The following NRXN2 variants were observed in gnomAD, a reference collection of about 807,000 sequenced individuals.
NRXN2 encodes neurexin 2.
A neutral mutation model predicts 128.8 loss-of-function variants in NRXN2; 29 were observed. That is an observed-to-expected ratio of 0.23 (90% CI 0.17 to 0.31). The LOEUF is 0.31. Ranked by LOEUF, NRXN2 falls within the 10% of genes least tolerant of loss-of-function variation. The probability of loss-of-function intolerance (pLI) is 1.00; values close to 1 mark genes in which losing one functional copy is unlikely to be tolerated. For synonymous variants in NRXN2, 1,098 were observed against 1,075.2 expected (o/e 1.02, Z -0.41); for missense variants, 1,881 against 2,452.6 (o/e 0.77, Z 4.92).
intron 17 of NRXN2, chr11:64,643,093 G>C: frequency 1.0e-6 from 1 of 987,780 alleles, no homozygotes; most frequent in Non-Finnish European, 1.2e-6. Flanking sequence ...GCAGAGGGCC[G>C]TCAGAAACCC....
Position 64,630,643 on chromosome 11 carries a change from G to A in NRXN2, c.3586-70C>T. ...TTCATCCCTTCTAGTGGCTACTCCT[G>A]TGACCACCACTAGCCCAGCTCCGCA... is the stretch of plus-strand genomic sequence containing the variant. On this transcript the variant is annotated intron_variant, in intron 18 of 22. Coordinates refer to ENST00000265459, the MANE Select transcript of NRXN2 (RefSeq NM_015080.4). This position sits in a 1 kb window ranked among gnomAD's most constrained non-coding sequence, Gnocchi z 4.6. The A allele has an allele frequency of 6.4e-7, 1 of 1,568,758 alleles. No homozygotes were observed. The highest frequency in any genetic ancestry group is 8.7e-7 in the Non-Finnish European group (1 of 1,144,524).
At chr11:64,658,862 T>C (rs893270413) in intron 11 of NRXN2, among the ~76,000 whole-genome samples, 27 of 152,060 alleles carry the variant, frequency 1.8e-4, no homozygotes, top group Non-Finnish European at 3.4e-4. Context: ...CCATCTCTAC[T>C]AAAAATACAA....
intron 7 of NRXN2, 66 bp downstream of exon 7, chr11:64,676,927 G>T (rs1268136406): frequency 3.8e-6 from 5 of 1,321,942 alleles, no homozygotes; most frequent in Non-Finnish European, 5.4e-6. Flanking sequence ...AACAAAAGAG[G>T]GAGAATCGAA....
Position 64,631,247 on chromosome 11 carries a change from C to T in NRXN2, c.3586-674G>A, listed in dbSNP as rs1448652211. 8.1e-6 allele frequency among the ~76,000 whole-genome samples: 1 copy of T among 123,164 alleles called. No homozygotes were observed. The allele number at this position is 123,164 out of a possible 152,430, so 80.8% of individuals were successfully genotyped here. ...GATGGACACCAGAAGAGCTGAGGGT[C>T]AAACTATGCTAGACTGACCAAGAAA... On this transcript the variant is annotated intron_variant, in intron 18 of 22. Coordinates refer to ENST00000265459, the MANE Select transcript of NRXN2 (RefSeq NM_015080.4). This position sits in a 1 kb window ranked among gnomAD's most constrained non-coding sequence, Gnocchi z 4.8.
chr11:64,706,915 C>T (rs1010732671), intron 2 of NRXN2, among the ~76,000 whole-genome samples: 2 of 151,634 alleles, frequency 1.3e-5, no homozygotes, highest in Admixed American at 1.3e-4. Flanking sequence ...TAATTTAATT[C>T]TTACAACAAA....
chr11:64,615,239 T>C (rs995937401), intron 22 of NRXN2, among the ~76,000 whole-genome samples: 8 of 152,242 alleles, frequency 5.3e-5, no homozygotes, highest in South Asian at 2.1e-4. Flanking sequence ...CTGTTGAAGA[T>C]GGTGCAGCCA....
At chr11:64,663,917 T>C (rs1052780933) in intron 9 of NRXN2, among the ~76,000 whole-genome samples, 1 of 152,222 alleles carries the variant, frequency 6.6e-6, no homozygotes, top group Admixed American at 6.5e-5. Context: ...GAAGACATTA[T>C]GCAAAATGAA....
chr11:64,692,893 A>G lies in NRXN2; in HGVS notation c.749-17T>C, dbSNP rs1565426771. The G allele has an allele frequency of 6.3e-7, 1 of 1,599,442 alleles. No homozygotes were observed. Among genetic ancestry groups the G allele is most frequent in the Non-Finnish European group, 8.6e-7 (1 of 1,167,416 alleles). ...GAGCCGGACCTTGGAAAGGGGAAGG[A>G]GAGAAAGAAAGAAAGAAAAAAAGAA... is the stretch of plus-strand genomic sequence containing the variant. On this transcript the variant is annotated splice_polypyrimidine_tract_variant and intron_variant, in intron 3 of 22. Transcript: ENST00000265459.
At chr11:64,679,547 G>A (rs990912169) in intron 6 of NRXN2, among the ~76,000 whole-genome samples, 17 of 152,200 alleles carry the variant, frequency 1.1e-4, no homozygotes, top group African/African-American at 4.1e-4. Flanking sequence ...TGAGGCAGGA[G>A]AATGGCGTGA....
At chr11:64,683,577 G>A (rs956743839) in intron 6 of NRXN2, among the ~76,000 whole-genome samples, 13 of 149,192 alleles carry the variant, frequency 8.7e-5, no homozygotes, top group South Asian at 4.2e-4. Flanking sequence ...CCGAGATCAC[G>A]CCGCTGCACT....
chr11:64,621,812 G>A (rs1321830307), intron 21 of NRXN2, among the ~76,000 whole-genome samples: 2 of 152,200 alleles, frequency 1.3e-5, no homozygotes, highest in East Asian at 1.9e-4. Flanking sequence ...AAGCACAGGA[G>A]GCAACAACTA....
rs370812331 is a variant in NRXN2 at position 64,622,873 on chromosome 11, C to A, written c.4053G>T (p.Glu1351Asp). Residue 1351 changes from glutamate (E) to aspartate (D), a missense_variant, in exon 21 of 23, where the codon GAG becomes GAT. This residue lies in a region of NRXN2 where 108 missense variants were observed against 165.2 expected (regional missense o/e 0.65). Transcript: ENST00000265459. The surrounding 1 kb of genome is among the most constrained non-coding windows in gnomAD (Gnocchi z 4.3). The stretch of plus-strand genomic sequence containing the variant: ...CAGCCAGCAGGGTGGTGGCCGTGGT[C>A]TCCGCACTGAGCAGCACGGACGGCC... ...GEGPSVLLSAETTATTLLADM... is the reference protein window; with the variant it reads ...GEGPSVLLSADTTATTLLADM... 76 of 1,612,804 alleles carry A rather than the reference C, an allele frequency of 4.7e-5. No homozygotes were observed. Among genetic ancestry groups the A allele is most frequent in the Non-Finnish European group, 5.7e-5 (67 of 1,179,888 alleles).
In NRXN2 at chr11:64,652,017, TG is replaced by T; in HGVS notation, c.2536+17del. On this transcript the variant is annotated intron_variant, in intron 13 of 22. Coordinates refer to ENST00000265459, the MANE Select transcript of NRXN2 (RefSeq NM_015080.4). ...GTCACTGGAGATGTGTCCACCTCCC[TG>T]GGCCCAGACCACCTACCCTCCACAG... The T allele has an allele frequency of 6.2e-7, 1 of 1,609,492 alleles. No individual in the cohort carries two copies.
intron 7 of NRXN2, chr11:64,676,731 T>G: frequency 1.8e-6 from 1 of 546,686 alleles, no homozygotes; most frequent in Non-Finnish European, 3.3e-6. Context: ...AATTCAGGAG[T>G]TAGGGATTAC....
Position 64,651,474 on chromosome 11 carries a change from T to C in NRXN2, c.2699A>G (p.Asp900Gly), listed in dbSNP as rs1347315693. ...AGCATTGAGCTCACAGTAGGTGATG[T>C]CACCATCCTTGCACTGGTCCATGTA... ...QPYMDQCKDG[D>G]ITYCELNARF... Residue 900 changes from aspartate to glycine, a missense_variant, in exon 14 of 23, where the codon GAC becomes GGC. Asp to Gly is a moderately conservative substitution (Grantham distance 94, BLOSUM62 -1). This residue lies in a region of NRXN2 where 390 missense variants were observed against 599.6 expected (regional missense o/e 0.65). Transcript: ENST00000265459. The surrounding 1 kb of genome is among the most constrained non-coding windows in gnomAD (Gnocchi z 5.9). 2 of 1,614,130 alleles carry C rather than the reference T, an allele frequency of 1.2e-6. No individual in the cohort carries two copies. Among genetic ancestry groups the C allele is most frequent in the East Asian group, 2.2e-5 (1 of 44,888 alleles).
At chr11:64,708,183 G>A (rs1411260995) in intron 2 of NRXN2, among the ~76,000 whole-genome samples, 1 of 151,744 alleles carries the variant, frequency 6.6e-6, no homozygotes, top group East Asian at 1.9e-4. Flanking sequence ...ACACAGCCTA[G>A]CACAAAAGAG....
At chr11:64,647,875 A>G (rs1478550145) in intron 17 of NRXN2, among the ~76,000 whole-genome samples, 1 of 152,212 alleles carries the variant, frequency 6.6e-6, no homozygotes, top group Non-Finnish European at 1.5e-5. Flanking sequence ...GGCCATCACC[A>G]AAACTACACA....
At chr11:64,639,074 C>A (rs1444722409) in intron 17 of NRXN2, among the ~76,000 whole-genome samples, 1 of 152,206 alleles carries the variant, frequency 6.6e-6, no homozygotes, top group East Asian at 1.9e-4. Context: ...CCTCTGCCTG[C>A]CTGTGTGCCT....
chr11:64,606,614 C>T lies in NRXN2; in HGVS notation c.*582G>A, dbSNP rs1415087727. 1.4e-5 allele frequency: 2 copies of T among 147,732 alleles called. No homozygotes were observed. The highest frequency in any genetic ancestry group is 1.3e-4 in the Admixed American group (2 of 14,912). The allele number at this position is 147,732 out of a possible 1,614,324, so 9.2% of individuals were successfully genotyped here. On this transcript the variant is annotated 3_prime_UTR_variant, in exon 23 of 23. Coordinates refer to ENST00000265459, the MANE Select transcript of NRXN2 (RefSeq NM_015080.4). ...ACTTGCCCCACCCCACCCCACCCAC[C>T]CACTGGGCCACTCGGGCCCACCCTC... is the stretch of plus-strand genomic sequence containing the variant.
Sources: allele counts gnomAD v4.1 joint callset (sites outside exome capture counted in the v4.1 genomes callset), GRCh38; gene constraint gnomAD v4.1.1; regional missense constraint gnomAD v4.1.1; non-coding constraint Gnocchi (gnomAD v3.1); transcripts MANE v1.5; gene names NCBI Gene and HGNC (gene_info 2026-07-23, HGNC 2026-07-21).